UPP2: variants seen among roughly 807,000 people sequenced by gnomAD.
The protein encoded by UPP2 is uridine phosphorylase 2.
In UPP2, 23 loss-of-function variants were observed where a neutral mutation model predicts 26.7. That is an observed-to-expected ratio of 0.86 (90% CI 0.62 to 1.22). The LOEUF (loss-of-function observed/expected upper bound fraction) is 1.22. UPP2 is among the 50% of genes most tolerant of loss of function. The pLI is 0.00. For synonymous variants in UPP2, 127 were observed against 141.3 expected, an observed-to-expected ratio of 0.90 and a Z score of 0.72; for missense variants, 387 against 396.7, an observed-to-expected ratio of 0.98 and a Z score of 0.21.
In UPP2 at chr2:158,071,669, T is replaced by C. The variant is rs189911736; in HGVS notation, c.148-30371T>C. The stretch of plus-strand genomic sequence containing the variant: ...GACTACCAGTTCAGCCACAATAAGA[T>C]AGGACACTGGGCAGAGTTATGAGTC... On this transcript the variant is annotated intron_variant, in intron 3 of 9. Transcript: ENST00000605860. Among the ~76,000 whole-genome samples, 144 of 150,024 alleles carry C rather than the reference T, an allele frequency of 9.6e-4. 2 individuals carry two copies. The highest frequency in any genetic ancestry group is 6.0e-4 in the Non-Finnish European group (41 of 67,772).
chr2:158,119,727 C>G (rs1021028698), intron 4 of UPP2, among the ~76,000 whole-genome samples: 12 of 151,916 alleles, frequency 7.9e-5, no homozygotes, highest in African/African-American at 2.9e-4. Flanking sequence ...TAAAAACTAT[C>G]TGGCCAGGCA....
intron 3 of UPP2, among the ~76,000 whole-genome samples, chr2:158,038,526 G>A (rs993061139): frequency 6.6e-6 from 1 of 152,234 alleles, no homozygotes; most frequent in Admixed American, 6.5e-5. Flanking sequence ...TGCAGCAACA[G>A]TAGACAGACA....
At chr2:158,022,122 A>T (rs1683760661) in intron 3 of UPP2, among the ~76,000 whole-genome samples, 1 of 151,994 alleles carries the variant, frequency 6.6e-6, no homozygotes, top group Non-Finnish European at 1.5e-5. Context: ...ACATTTTTTG[A>T]CCACTGTGTG....
At chr2:158,080,768 G>A (rs919070410) in intron 3 of UPP2, among the ~76,000 whole-genome samples, 79 of 152,244 alleles carry the variant, frequency 5.2e-4, no homozygotes, top group African/African-American at 1.9e-3. Context: ...GCCCTCATTA[G>A]TGTGGGAATG....
intron 6 of UPP2, among the ~76,000 whole-genome samples, chr2:158,127,193 C>A (rs763452919): frequency 1.4e-4 from 22 of 152,206 alleles, no homozygotes; most frequent in Admixed American, 1.1e-3. Flanking sequence ...AAAAGTCTTG[C>A]ATGACTACCT....
intron 1 of UPP2, among the ~76,000 whole-genome samples, chr2:158,105,246 C>A (rs1012005469): frequency 6.6e-6 from 1 of 152,076 alleles, no homozygotes; most frequent in Non-Finnish European, 1.5e-5. Flanking sequence ...GAATTAAGGT[C>A]ATTCTTATAG....
chr2:158,089,571 T>C (rs1286637146), intron 3 of UPP2, among the ~76,000 whole-genome samples: 3 of 152,218 alleles, frequency 2.0e-5, no homozygotes, highest in African/African-American at 7.2e-5. Flanking sequence ...GAAGTTTCCT[T>C]CTCTCTGGTC....
chr2:158,076,273 A>C (rs1682629569), intron 3 of UPP2, among the ~76,000 whole-genome samples: 1 of 152,062 alleles, frequency 6.6e-6, no homozygotes, highest in Non-Finnish European at 1.5e-5. Flanking sequence ...CTTTATTCAA[A>C]CTATTCTAAA....
At chr2:158,099,465 G>T (rs974409633), upstream of UPP2, among the ~76,000 whole-genome samples, 1 of 152,092 alleles carries the variant, frequency 6.6e-6, no homozygotes. Context: ...GCTGTGCGTT[G>T]ACACCCCTAC....
At chr2:158,008,985 C>T (rs540115684) in intron 2 of UPP2, among the ~76,000 whole-genome samples, 3 of 152,312 alleles carry the variant, frequency 2.0e-5, no homozygotes, top group African/African-American at 7.2e-5. Context: ...TTTCTCCCCT[C>T]TTTAATAGCT....
chr2:158,068,803 T>TATATATATATATATATA (rs1491232938), intron 3 of UPP2, among the ~76,000 whole-genome samples: 20 of 14,000 alleles, frequency 1.4e-3, no homozygotes, highest in East Asian at 7.8e-3. Flanking sequence ...TATATATATA[T>TATATATATATATATATA]TTTTTTTTTT....
rs2105210482 is a variant in UPP2, at chr2:158,102,017, CTCTT to C, written c.-42_-39del. The C allele has an allele frequency of 1.2e-6, 2 of 1,607,762 alleles. No homozygotes were observed. The highest frequency in any genetic ancestry group is 1.7e-6 in the Non-Finnish European group (2 of 1,178,242). On this transcript the variant is annotated 5_prime_UTR_variant, in exon 1 of 7. Coordinates refer to ENST00000005756, the MANE Select transcript of UPP2 (RefSeq NM_173355.4). ...AATTTAATAACAAGTCACAATATCTCTCTTTCTTGACATCAATTTAAGGTGACTT... is the reference window on the plus strand; with the variant it reads ...AATTTAATAACAAGTCACAATATCTCTCTTGACATCAATTTAAGGTGACTT...
intron 2 of UPP2, among the ~76,000 whole-genome samples, chr2:158,110,791 T>A (rs966456342): frequency 2.6e-5 from 4 of 152,188 alleles, no homozygotes; most frequent in African/African-American, 9.7e-5. Flanking sequence ...TTTCATGTGT[T>A]TTTTGGCTGC....
chr2:158,039,300 C>A (rs185532582), intron 3 of UPP2, among the ~76,000 whole-genome samples: 2 of 152,296 alleles, frequency 1.3e-5, no homozygotes, highest in Non-Finnish European at 2.9e-5. Flanking sequence ...ACCACTGGCA[C>A]TAGCAAGCTG....
At chr2:158,063,349 A>C (rs1046922012) in intron 3 of UPP2, among the ~76,000 whole-genome samples, 1 of 152,242 alleles carries the variant, frequency 6.6e-6, no homozygotes, top group Non-Finnish European at 1.5e-5. Flanking sequence ...TATTACACAG[A>C]GCAGTGCCTG....
chr2:158,118,787 G>C (rs752145443), intron 4 of UPP2, among the ~76,000 whole-genome samples: 23 of 151,990 alleles, frequency 1.5e-4, no homozygotes. Flanking sequence ...GAGCAAAAAG[G>C]GATGTCAGAA....
chr2:158,084,392 A>G (rs1337874628), intron 3 of UPP2, among the ~76,000 whole-genome samples: 4 of 151,916 alleles, frequency 2.6e-5, no homozygotes, highest in Non-Finnish European at 5.9e-5. Flanking sequence ...TAGATTCAGG[A>G]AATTAGTCCT....
At chr2:158,101,289 G>A (rs145987907), upstream of UPP2, among the ~76,000 whole-genome samples, 4 of 152,256 alleles carry the variant, frequency 2.6e-5, no homozygotes, top group Non-Finnish European at 1.5e-5. Flanking sequence ...CAGAGACTCC[G>A]TTTTCTGAAA....
At chr2:158,049,947 C>T (rs892363841) in intron 3 of UPP2, among the ~76,000 whole-genome samples, 1 of 152,080 alleles carries the variant, frequency 6.6e-6, no homozygotes, top group African/African-American at 2.4e-5. Flanking sequence ...ACCAATAGGC[C>T]CCATTACCAT....
Sources: gnomAD v4.1 joint callset for allele counts (sites outside exome capture counted in the v4.1 genomes callset) on GRCh38, gnomAD v4.1.1 for gene constraint, MANE v1.5 for transcripts, NCBI Gene and HGNC (gene_info 2026-07-23, HGNC 2026-07-21) for gene names.